ADAMTS6: variants seen among roughly 807,000 people sequenced by gnomAD.
ADAMTS6 encodes the protein ADAM metallopeptidase with thrombospondin type 1 motif 6, also known as A disintegrin and metalloproteinase with thrombospondin motifs 6.
ADAMTS6 carries 23 observed loss-of-function variants against 144.3 expected under a neutral mutation model. That is an observed-to-expected ratio of 0.16 (90% CI 0.11 to 0.23). The LOEUF (loss-of-function observed/expected upper bound fraction) is 0.23, where lower values mean the gene tolerates loss of function less well. Ranked by LOEUF, ADAMTS6 falls within the 10% of genes least tolerant of loss-of-function variation. The probability of loss-of-function intolerance (pLI) is 1.00; values close to 1 mark genes in which losing one functional copy is unlikely to be tolerated. For synonymous variants in ADAMTS6, 444 were observed against 457.5 expected, an observed-to-expected ratio of 0.97 and a Z score of 0.38; for missense variants, 999 against 1,379.6, an observed-to-expected ratio of 0.72 and a Z score of 4.37.
chr5:65,431,979 A>G (rs1016429066), intron 7 of ADAMTS6, among the ~76,000 whole-genome samples: 2 of 152,054 alleles, frequency 1.3e-5, no homozygotes, highest in African/African-American at 4.8e-5. Flanking sequence ...AGTTGAGAAG[A>G]GATTTTGCGA....
intron 3 of ADAMTS6, 133 bp from the exon 4 acceptor site, chr5:65,460,471 C>T (rs998737595): frequency 3.9e-5 from 31 of 799,076 alleles, no homozygotes; most frequent in African/African-American, 5.2e-5. Context: ...AAAAAATTAG[C>T]GAATTATCTG....
chr5:65,392,242 T>C (rs1752982304), intron 7 of ADAMTS6, among the ~76,000 whole-genome samples: 2 of 135,456 alleles, frequency 1.5e-5, no homozygotes, highest in Admixed American at 1.5e-4. Context: ...CTCCACTACA[T>C]AAATAGTAGA....
intron 7 of ADAMTS6, among the ~76,000 whole-genome samples, chr5:65,381,872 C>A (rs1752078065): frequency 6.6e-6 from 1 of 152,036 alleles, no homozygotes; most frequent in African/African-American, 2.4e-5. Context: ...AGTAAAAGCT[C>A]ACTTGATAAA....
chr5:65,321,598 T>C (rs1580387902), intron 9 of ADAMTS6, among the ~76,000 whole-genome samples: 1 of 152,132 alleles, frequency 6.6e-6, no homozygotes, highest in East Asian at 1.9e-4. Flanking sequence ...GGCATCTTTA[T>C]CATGAAATCT....
chr5:65,241,316 C>T (rs914537865), intron 15 of ADAMTS6, among the ~76,000 whole-genome samples: 3 of 150,352 alleles, frequency 2.0e-5, no homozygotes, highest in East Asian at 2.0e-4. Flanking sequence ...CTGCAACCTC[C>T]GCCTCCTGGG....
At chr5:65,328,173 CAACTTGATAA>C (rs1746352276) in intron 9 of ADAMTS6, among the ~76,000 whole-genome samples, 2 of 151,968 alleles carry the variant, frequency 1.3e-5, no homozygotes, top group Non-Finnish European at 2.9e-5. Context: ...TAAATCATAT[CAACTTGATAA>C]AATTTGATTG....
intron 7 of ADAMTS6, among the ~76,000 whole-genome samples, chr5:65,435,672 C>A (rs942391753): frequency 7.3e-5 from 11 of 151,502 alleles, no homozygotes; most frequent in African/African-American, 2.4e-4. Context: ...ATTATTCAGG[C>A]TGGAGTACAG....
intron 7 of ADAMTS6, among the ~76,000 whole-genome samples, chr5:65,360,999 T>C (rs1208278507): frequency 6.6e-6 from 1 of 152,186 alleles, no homozygotes. Context: ...AAGAACTTAG[T>C]GAATCCTGTG....
chr5:65,350,998 T>G (rs1048577729), intron 7 of ADAMTS6, among the ~76,000 whole-genome samples: 1 of 151,474 alleles, frequency 6.6e-6, no homozygotes, highest in Admixed American at 6.6e-5. Flanking sequence ...TATGCTATTT[T>G]CCCTCTCTAA....
At chr5:65,196,864 A>C (rs374981622) in intron 21 of ADAMTS6, among the ~76,000 whole-genome samples, 158 bp downstream of exon 21, 6 of 152,230 alleles carry the variant, frequency 3.9e-5, no homozygotes, top group African/African-American at 1.4e-4. Flanking sequence ...ATCTTTGCTC[A>C]CTAAAAGAGA....
chr5:65,282,007 G>A (rs1266466988), intron 11 of ADAMTS6, among the ~76,000 whole-genome samples: 1 of 152,136 alleles, frequency 6.6e-6, no homozygotes. Flanking sequence ...ACAAGGGGAG[G>A]AGGTGACATC....
At position 65,335,565 on chromosome 5, in the gene ADAMTS6, A is replaced by C. The variant is rs183368602; in HGVS notation, c.1074-1480T>G. 5.8e-4 allele frequency among the ~76,000 whole-genome samples: 88 copies of C among 152,260 alleles called. 2 individuals carry two copies. Among genetic ancestry groups the C allele is most frequent in the Non-Finnish European group, 1.5e-4 (10 of 67,970 alleles). ...AGATGTTTCAATAGAATCTATTTCT[A>C]AACCTCCAAGTTCCACAGTGCCCTT... On this transcript the variant is annotated intron_variant, in intron 7 of 24. Coordinates refer to ENST00000381055, the MANE Select transcript of ADAMTS6 (RefSeq NM_197941.4).
chr5:65,215,414 A>G lies in ADAMTS6; in HGVS notation c.2346T>C (p.Val782=), dbSNP rs1170876265. Residue 782 remains valine, a synonymous_variant, in exon 19 of 25, where the codon GTT becomes GTC. Coordinates refer to ENST00000381055, the MANE Select transcript of ADAMTS6 (RefSeq NM_197941.4). Reference sequence around the variant, plus strand: ...TCTTGTAATGAAAAGCTGTCCCAGCAACATCAAATTTCCTAGGCCAGTCAA... The same window carrying G: ...TCTTGTAATGAAAAGCTGTCCCAGCGACATCAAATTTCCTAGGCCAGTCAA... ...WTIDWPRKFD[V]AGTAFHYKRP... The G allele has an allele frequency of 6.2e-7, 1 of 1,614,128 alleles. No homozygotes were observed. The highest frequency in any genetic ancestry group is 8.5e-7 in the Non-Finnish European group (1 of 1,179,970).
chr5:65,257,169 T>C (rs1760754800), intron 14 of ADAMTS6, among the ~76,000 whole-genome samples: 2 of 151,894 alleles, frequency 1.3e-5, no homozygotes, highest in Admixed American at 1.3e-4. Context: ...GTTCACAGTA[T>C]TACCCTATAT....
At chr5:65,365,146 C>T (rs1750191668) in intron 7 of ADAMTS6, among the ~76,000 whole-genome samples, 1 of 152,074 alleles carries the variant, frequency 6.6e-6, no homozygotes. Context: ...CCACTGCAAT[C>T]AGGAGATCTA....
At chr5:65,332,750 C>T (rs1159661842) in intron 8 of ADAMTS6, among the ~76,000 whole-genome samples, 4 of 152,008 alleles carry the variant, frequency 2.6e-5, no homozygotes, top group Admixed American at 2.0e-4. Flanking sequence ...TTGTTAGTTC[C>T]CAGTTCAGAG....
intron 14 of ADAMTS6, among the ~76,000 whole-genome samples, chr5:65,255,747 T>A (rs1001740037): frequency 9.2e-5 from 14 of 151,744 alleles, no homozygotes; most frequent in African/African-American, 3.4e-4. Flanking sequence ...TTTTAAATGA[T>A]TAAAAAAAAA....
intron 11 of ADAMTS6, among the ~76,000 whole-genome samples, chr5:65,281,991 G>C (rs996931830): frequency 5.3e-5 from 8 of 152,076 alleles, no homozygotes; most frequent in Non-Finnish European, 8.8e-5. Context: ...AAAATTAGCA[G>C]CTTACACAAG....
At chr5:65,191,758 A>G (rs898624839) in intron 21 of ADAMTS6, among the ~76,000 whole-genome samples, 1 of 152,144 alleles carries the variant, frequency 6.6e-6, no homozygotes, top group African/African-American at 2.4e-5. Context: ...TAAGCAGAAC[A>G]CTGTATGCCC....
Sources: allele counts gnomAD v4.1 joint callset (sites outside exome capture counted in the v4.1 genomes callset), GRCh38; gene constraint gnomAD v4.1.1; transcripts MANE v1.5; gene names NCBI Gene and HGNC (gene_info 2026-07-23, HGNC 2026-07-21).